The following TMEM67 variants were observed in gnomAD, a reference collection of about 807,000 sequenced individuals.
The protein encoded by TMEM67 is transmembrane protein 67.
TMEM67 carries 124 observed loss-of-function variants against 136.6 expected under a neutral mutation model. That is an observed-to-expected ratio of 0.91 (90% CI 0.78 to 1.05). The LOEUF is 1.05. Ranked by LOEUF, TMEM67 falls within the 50% of genes least tolerant of loss-of-function variation. The probability of loss-of-function intolerance (pLI) is 0.00; values close to 1 mark genes in which losing one functional copy is unlikely to be tolerated. For missense variants in TMEM67, 1,107 were observed against 1,178.4 expected (o/e 0.94, Z 0.89); for synonymous variants, 364 against 390.5 (o/e 0.93, Z 0.80).
In TMEM67 at chr8:93,817,729, T is replaced by C. The variant is rs550843544; in HGVS notation, c.*1277T>C. 1 of 152,220 alleles carries C rather than the reference T, an allele frequency of 6.6e-6. No individual in the cohort carries two copies. Among genetic ancestry groups the C allele is most frequent in the Non-Finnish European group, 1.5e-5 (1 of 68,042 alleles). The allele number at this position is 152,220 out of a possible 1,614,324, so 9.4% of individuals were successfully genotyped here. ...AGTACCATTTAGGAATATAACATTA[T>C]TGGGGCAGAGGTCCCAGCCATTGCC... On this transcript the variant is annotated 3_prime_UTR_variant, in exon 28 of 28. Coordinates refer to ENST00000453321, the MANE Select transcript of TMEM67 (RefSeq NM_153704.6).
At chr8:93,761,068 G>A (rs543966439) in intron 3 of TMEM67, among the ~76,000 whole-genome samples, 2 of 152,100 alleles carry the variant, frequency 1.3e-5, no homozygotes, top group African/African-American at 4.8e-5. Flanking sequence ...CCAGCACTTT[G>A]GGAGGCCGAG....
chr8:93,822,670 A>C (rs1283221833), downstream of TMEM67, among the ~76,000 whole-genome samples: 1 of 152,208 alleles, frequency 6.6e-6, no homozygotes, highest in East Asian at 1.9e-4. Flanking sequence ...CCTTTACTGC[A>C]TCAGAGTGCT....
At chr8:93,790,123 A>T (rs1264477210) in intron 14 of TMEM67, among the ~76,000 whole-genome samples, 1 of 152,118 alleles carries the variant, frequency 6.6e-6, no homozygotes, top group Admixed American at 6.6e-5. Context: ...ACCTCAAATT[A>T]TTCTAATTAT....
chr8:93,785,187 T>C, intron 11 of TMEM67, 35 bp from the exon 12 acceptor site: 1 of 1,309,176 alleles, frequency 7.6e-7, no homozygotes, highest in Non-Finnish European at 1.1e-6. Flanking sequence ...TAAGTTGCTG[T>C]TTTATGTGCT....
At position 93,804,362 on chromosome 8, in the gene TMEM67, T is replaced by C. The variant is rs532773714; in HGVS notation, c.2323-400T>C. On this transcript the variant is annotated intron_variant, in intron 22 of 27. Transcript: ENST00000453321. ...AAAGGTCTCGCACTGTAACCCAGGCTGGACTACAGTCGTGCAGTCGTAGCT... is the reference window on the plus strand; with the variant it reads ...AAAGGTCTCGCACTGTAACCCAGGCCGGACTACAGTCGTGCAGTCGTAGCT... Among the ~76,000 whole-genome samples the C allele has an allele frequency of 2.1e-4, 28 of 136,150 alleles. No homozygotes were observed. In the East Asian group the frequency reaches 5.5e-3, roughly 27 times the overall value. 89.3% of individuals were successfully genotyped at this position (136,150 alleles called of 152,430 possible).
At chr8:93,761,352 G>A (rs1188098902) in intron 3 of TMEM67, among the ~76,000 whole-genome samples, 1 of 152,162 alleles carries the variant, frequency 6.6e-6, no homozygotes, top group African/African-American at 2.4e-5. Flanking sequence ...AAGGATACAG[G>A]GAAATAGTTA....
rs780396515 is a variant in TMEM67 at position 93,780,708 on chromosome 8, A to G, written c.830A>G (p.Asn277Ser). ...GGACTATTTCAGTTTATCTTTGAAA[A>G]TACTGCTGGACTGAGCACTGTTCAT... is the stretch of plus-strand genomic sequence containing the variant. ...ACGLFQFIFE[N>S]TAGLSTVHSI... Residue 277 changes from asparagine to serine, a missense_variant, in exon 8 of 28, where the codon AAT (asparagine) becomes AGT (serine). Asn to Ser is a conservative substitution (Grantham distance 46). Transcript: ENST00000453321. The G allele has an allele frequency of 6.2e-7, 1 of 1,614,070 alleles. No individual in the cohort carries two copies. Among genetic ancestry groups the G allele is most frequent in the South Asian group, 1.1e-5 (1 of 91,086 alleles).
chr8:93,785,142 T>C (rs1563462031), intron 11 of TMEM67, 80 bp from the exon 12 acceptor site: 1 of 899,562 alleles, frequency 1.1e-6, no homozygotes, highest in Non-Finnish European at 1.8e-6. Context: ...TTTTCAATTG[T>C]GATCTTTTAT....
the TMEM67 span, among the ~76,000 whole-genome samples, chr8:93,826,051 C>G: frequency 6.9e-6 from 1 of 145,300 alleles, no homozygotes; most frequent in African/African-American, 2.5e-5. Context: ...GTTGTGCTAT[C>G]TTGGGAAGTA....
chr8:93,793,265 G>A lies in TMEM67; in HGVS notation c.1643G>A (p.Arg548Lys). 6.2e-7 allele frequency: 1 copy of A among 1,614,112 alleles called. No individual in the cohort carries two copies. The highest frequency in any genetic ancestry group is 8.5e-7 in the Non-Finnish European group (1 of 1,179,984). Residue 548 changes from arginine to lysine, a missense_variant, in exon 16 of 28, where the codon AGG becomes AAG. By Grantham distance (26) the Arg-to-Lys change is conservative. Around this residue, in one of 3 missense-constraint regions of TMEM67, gnomAD observed 925 missense variants for 1,002.4 expected, o/e 0.92. Transcript: ENST00000453321. ...ASLLKTAGWK[R>K]RIGSPMIDLQ... ...CTTTTGAAGACAGCAGGATGGAAGA[G>A]GCGCATTGGGAGTCCCATGATTGAT...
At chr8:93,787,747 A>G in intron 13 of TMEM67, 97 bp from the exon 14 acceptor site, 2 of 970,208 alleles carry the variant, frequency 2.1e-6, no homozygotes, top group South Asian at 1.3e-5. Flanking sequence ...TGAGATCATC[A>G]GACAATTCAT....
intron 6 of TMEM67, 48 bp downstream of exon 6, chr8:93,765,694 A>G (rs757137025): frequency 5.0e-6 from 6 of 1,195,838 alleles, no homozygotes; most frequent in Non-Finnish European, 5.0e-6. Flanking sequence ...AACTTTCTAC[A>G]TTTCATCCAT....
At chr8:93,786,802 T>TA (rs1224940318) in intron 13 of TMEM67, among the ~76,000 whole-genome samples, 5 of 152,184 alleles carry the variant, frequency 3.3e-5, no homozygotes, top group South Asian at 2.1e-4. Context: ...CCTCGCCACT[T>TA]AAATTTCTCT....
At chr8:93,783,763 T>C (rs1813961391) in intron 11 of TMEM67, among the ~76,000 whole-genome samples, 1 of 152,162 alleles carries the variant, frequency 6.6e-6, no homozygotes, top group Admixed American at 6.6e-5. Context: ...TTTCACGTGG[T>C]GACAGGAAGA....
At chr8:93,797,281 G>A in intron 19 of TMEM67, 48 bp downstream of exon 19, 4 of 1,613,130 alleles carry the variant, frequency 2.5e-6, no homozygotes, top group Non-Finnish European at 3.4e-6. Context: ...TGCTACCCTT[G>A]CAGAGCAAAG....
At chr8:93,777,095 G>A (rs894332231) in intron 7 of TMEM67, among the ~76,000 whole-genome samples, 7 of 151,996 alleles carry the variant, frequency 4.6e-5, no homozygotes, top group African/African-American at 9.7e-5. Context: ...TGTATGTGTC[G>A]AGGAATTTAT....
intron 13 of TMEM67, among the ~76,000 whole-genome samples, chr8:93,787,055 C>T (rs1814142491): frequency 6.6e-6 from 1 of 152,154 alleles, no homozygotes; most frequent in African/African-American, 2.4e-5. Flanking sequence ...TTCAGCATTT[C>T]TTCAGTCTGC....
At chr8:93,756,458 A>G (rs951696632) in intron 2 of TMEM67, 1 of 152,154 alleles carries the variant, frequency 6.6e-6, no homozygotes, top group Admixed American at 6.5e-5. Flanking sequence ...TGGATAATTA[A>G]AAGTCTGTGT....
chr8:93,780,995 A>G lies in TMEM67; in HGVS notation c.978+13A>G, dbSNP rs760659884. ...AGGAGAAAACCAGGTAAAAGTGTCT[A>G]ATATCATTAGAGGATAACTACATTT... On this transcript the variant is annotated intron_variant, in intron 9 of 27. Coordinates refer to ENST00000453321, the MANE Select transcript of TMEM67 (RefSeq NM_153704.6). The G allele has an allele frequency of 2.1e-5, 30 of 1,432,182 alleles. No individual in the cohort carries two copies. In the Middle Eastern group the frequency reaches 9.5e-4, roughly 46 times the overall value. The allele number at this position is 1,432,182 out of a possible 1,614,324, so 88.7% of individuals were successfully genotyped here.
Sources: gnomAD v4.1 joint callset for allele counts (sites outside exome capture counted in the v4.1 genomes callset) on GRCh38, gnomAD v4.1.1 for gene constraint, gnomAD v4.1.1 regional missense constraint, MANE v1.5 for transcripts, NCBI Gene and HGNC (gene_info 2026-07-23, HGNC 2026-07-21) for gene names.